The following DNAH9 variants were observed in gnomAD, a reference collection of about 807,000 sequenced individuals.
The protein encoded by DNAH9 is DNAH9 variant protein.
Under a neutral mutation model 471.6 loss-of-function variants are expected in DNAH9, and 345 were observed. The observed-to-expected ratio is 0.73, with a 90% CI of 0.67 to 0.80. The LOEUF (loss-of-function observed/expected upper bound fraction) is 0.80. Ranked by LOEUF, DNAH9 falls within the 30% of genes least tolerant of loss-of-function variation. The pLI is 0.00. For missense variants in DNAH9, 5,407 were observed against 5,609.2 expected, an observed-to-expected ratio of 0.96 and a Z score of 1.15; for synonymous variants, 2,093 against 2,123.6, an observed-to-expected ratio of 0.99 and a Z score of 0.40.
rs534787502 is a variant in DNAH9 at position 11,695,001 on chromosome 17, G to A, written c.4872+554G>A. ...CCTCCTGGGTTCAAGCCATCCCCCT[G>A]CCTCAGCCTCCCGCGTAGCTGGGAC... is the stretch of plus-strand genomic sequence containing the variant. On this transcript the variant is annotated intron_variant, in intron 22 of 68. Transcript: ENST00000262442. 3.1e-3 allele frequency among the ~76,000 whole-genome samples: 459 copies of A among 150,364 alleles called. 2 individuals are homozygous for A. Among genetic ancestry groups the A allele is most frequent in the African/African-American group, 0.01 (427 of 40,740 alleles).
chr17:11,840,470 A>G (rs1448719461), intron 49 of DNAH9, among the ~76,000 whole-genome samples: 1 of 152,172 alleles, frequency 6.6e-6, no homozygotes, highest in Non-Finnish European at 1.5e-5. Flanking sequence ...TTATACATAT[A>G]TCTTTATTGT....
intron 26 of DNAH9, among the ~76,000 whole-genome samples, chr17:11,707,101 AT>A (rs1320212394): frequency 6.6e-6 from 1 of 152,210 alleles, no homozygotes; most frequent in African/African-American, 2.4e-5. Flanking sequence ...GAGAAATGAT[AT>A]TTTAATTCCA....
At chr17:11,627,762 C>G (rs1021610481) in intron 6 of DNAH9, among the ~76,000 whole-genome samples, 4 of 152,152 alleles carry the variant, frequency 2.6e-5, no homozygotes, top group African/African-American at 7.2e-5. Flanking sequence ...ACTAGCCATG[C>G]CCAAACATAC....
At chr17:11,770,912 A>G (rs531428855) in intron 38 of DNAH9, among the ~76,000 whole-genome samples, 40 of 152,284 alleles carry the variant, frequency 2.6e-4, no homozygotes, top group African/African-American at 8.4e-4. Context: ...ACCGTGGCCA[A>G]TTGTAAGCTA....
chr17:11,856,364 G>A (rs986668709), intron 50 of DNAH9, among the ~76,000 whole-genome samples: 6 of 151,980 alleles, frequency 3.9e-5, no homozygotes, highest in African/African-American at 9.7e-5. Flanking sequence ...TATGGAAAAA[G>A]GCTCTAGATC....
At chr17:11,654,949 A>G (rs1005566593) in intron 14 of DNAH9, among the ~76,000 whole-genome samples, 6 of 152,158 alleles carry the variant, frequency 3.9e-5, no homozygotes, top group Non-Finnish European at 8.8e-5. Flanking sequence ...CAGGTCAAAT[A>G]CAAAACTTAG....
chr17:11,894,914 A>G (rs1035933566), intron 59 of DNAH9, among the ~76,000 whole-genome samples: 2 of 152,232 alleles, frequency 1.3e-5, no homozygotes, highest in Non-Finnish European at 2.9e-5. Context: ...TCAGACTCAA[A>G]GCAGGAGTGC....
At chr17:11,863,518 G>A (rs1244500366) in intron 50 of DNAH9, among the ~76,000 whole-genome samples, 3 of 152,120 alleles carry the variant, frequency 2.0e-5, no homozygotes. Flanking sequence ...TTTGGTATCA[G>A]GATGATGCTG....
intron 19 of DNAH9, among the ~76,000 whole-genome samples, chr17:11,685,873 C>A (rs1390902227): frequency 6.8e-6 from 1 of 146,490 alleles, no homozygotes; most frequent in Non-Finnish European, 1.5e-5. Context: ...GACAGGATCT[C>A]AGCTCACTGC....
At chr17:11,802,272 A>G (rs759333922) in intron 43 of DNAH9, among the ~76,000 whole-genome samples, 1 of 151,854 alleles carries the variant, frequency 6.6e-6, no homozygotes, top group Non-Finnish European at 1.5e-5. Flanking sequence ...GTGTGGGAAG[A>G]CTCTATGGCC....
chr17:11,621,443 G>A (rs1017023939), intron 6 of DNAH9, among the ~76,000 whole-genome samples: 1 of 151,588 alleles, frequency 6.6e-6, no homozygotes, highest in African/African-American at 2.4e-5. Context: ...AGAGCCAGAG[G>A]GACAGGGAAG....
intron 5 of DNAH9, 43 bp from the exon 6 acceptor site, chr17:11,619,505 A>T: frequency 1.8e-6 from 2 of 1,133,816 alleles, no homozygotes; most frequent in Non-Finnish European, 2.7e-6. Flanking sequence ...AAGTTACAGG[A>T]TGTCTGCACC....
intron 45 of DNAH9, among the ~76,000 whole-genome samples, chr17:11,820,648 T>G (rs1834885205): frequency 6.6e-6 from 1 of 152,198 alleles, no homozygotes; most frequent in Admixed American, 6.5e-5. Context: ...TTATTGATTT[T>G]TTTCTTTATT....
intron 18 of DNAH9, among the ~76,000 whole-genome samples, chr17:11,680,409 T>A (rs529918877): frequency 6.6e-5 from 10 of 152,324 alleles, no homozygotes; most frequent in Admixed American, 2.6e-4. Flanking sequence ...TGTAGAAACA[T>A]CTTCCTTTAA....
At chr17:11,726,135 C>T (rs1001247315) in intron 27 of DNAH9, among the ~76,000 whole-genome samples, 12 of 152,232 alleles carry the variant, frequency 7.9e-5, no homozygotes, top group African/African-American at 2.9e-4. Context: ...GAAAGCCTTA[C>T]CCCTTCCATT....
chr17:11,935,144 T>C (rs1162772565), intron 65 of DNAH9, among the ~76,000 whole-genome samples: 1 of 151,582 alleles, frequency 6.6e-6, no homozygotes, highest in Non-Finnish European at 1.5e-5. Flanking sequence ...TATTTTTTAG[T>C]GGAGACGGGG....
rs981513059 is a variant in DNAH9 at position 11,962,510 on chromosome 17, C to T, written c.13233+254C>T. 3.3e-5 allele frequency among the ~76,000 whole-genome samples: 5 copies of T among 152,206 alleles called. No homozygotes were observed. The highest frequency in any genetic ancestry group is 5.9e-5 in the Non-Finnish European group (4 of 68,042). ...GACTGGCTGGGTCTGAATCCCAGCA[C>T]CACCATTTATTAACTCTGTAACTTT... On this transcript the variant is annotated intron_variant, in intron 68 of 68. Transcript: ENST00000262442. This position sits in a 1 kb window ranked among gnomAD's most constrained non-coding sequence, Gnocchi z 4.1.
Position 11,881,294 on chromosome 17 carries a change from CA to C in DNAH9, c.10688del (p.Gln3563ArgfsTer10). ...LHTKLANPHY[Q>X]PELQAQATLI... ...CACCAAGCTGGCTAATCCTCACTAC[CA>C]GCCTGAGCTGCAGGCTCAGGCCACC... On this transcript the variant is annotated frameshift_variant, in exon 55 of 69. Transcript: ENST00000262442. LOFTEE classifies it high-confidence loss of function. 5 of 1,614,178 alleles carry C rather than the reference CA, an allele frequency of 3.1e-6. No individual in the cohort carries two copies. The highest frequency in any genetic ancestry group is 3.4e-6 in the Non-Finnish European group (4 of 1,180,026).
Position 11,651,220 on chromosome 17 carries a change from T to C in DNAH9, c.2249T>C (p.Met750Thr). 6.2e-7 allele frequency: 1 copy of C among 1,614,090 alleles called. No individual in the cohort carries two copies. Among genetic ancestry groups the C allele is most frequent in the Non-Finnish European group, 8.5e-7 (1 of 1,179,996 alleles). Residue 750 changes from methionine to threonine, a missense_variant, in exon 13 of 69, where the codon ATG (methionine) becomes ACG (threonine). This residue lies in a region of DNAH9 where 4,636 missense variants were observed against 4,900.3 expected (regional missense o/e 0.95). Transcript: ENST00000262442. ...ATGGCAAATTGGTACAACAAGGTTA[T>C]GAAAACTCTGCTGGAGGTGGAATTT... Reference protein sequence around the residue: ...ELMANWYNKVMKTLLEVEFPL... With the variant: ...ELMANWYNKVTKTLLEVEFPL...
Sources: allele counts gnomAD v4.1 joint callset (sites outside exome capture counted in the v4.1 genomes callset), GRCh38; gene constraint gnomAD v4.1.1; regional missense constraint gnomAD v4.1.1; non-coding constraint Gnocchi (gnomAD v3.1); transcripts MANE v1.5; gene names NCBI Gene and HGNC (gene_info 2026-07-23, HGNC 2026-07-21).